The following CFDP1 variants were observed in gnomAD, a reference collection of about 807,000 sequenced individuals.
CFDP1 encodes chromatin remodeling protein CFDP1, also known as heterochromatin-stabilizing protein CFDP1.
A neutral mutation model predicts 40.1 loss-of-function variants in CFDP1; 31 were observed. That is an observed-to-expected ratio of 0.77 (90% CI 0.58 to 1.04). CFDP1 has a LOEUF of 1.04. CFDP1 is among the 50% of genes least tolerant of loss of function. The pLI is 0.00. For missense variants in CFDP1, 423 were observed against 343.4 expected (o/e 1.23, Z -1.83); for synonymous variants, 167 against 120.0 (o/e 1.39, Z -2.56).
chr16:75,329,424 G>A (rs76377175), intron 5 of CFDP1, among the ~76,000 whole-genome samples: 2,390 of 152,184 alleles, frequency 0.016, 62 homozygotes, highest in African/African-American at 0.053. Context: ...TTATGCATCC[G>A]TGTGACTTTG....
chr16:75,406,092 A>G (rs2079097043), intron 4 of CFDP1, among the ~76,000 whole-genome samples: 1 of 151,886 alleles, frequency 6.6e-6, no homozygotes, highest in Non-Finnish European at 1.5e-5. Flanking sequence ...AAAATAAAAT[A>G]GGCCAGGTGC....
chr16:75,310,944 TG>T (rs2151503605), intron 5 of CFDP1, among the ~76,000 whole-genome samples: 1 of 152,326 alleles, frequency 6.6e-6, no homozygotes, highest in South Asian at 2.1e-4. Flanking sequence ...CAGAGATTAC[TG>T]AGAACTTACT....
At chr16:75,332,706 T>C (rs1313285289) in intron 5 of CFDP1, among the ~76,000 whole-genome samples, 1 of 150,742 alleles carries the variant, frequency 6.6e-6, no homozygotes, top group Admixed American at 6.6e-5. Flanking sequence ...ATATTTTTTA[T>C]ATAGTCAGTT....
intron 6 of CFDP1, among the ~76,000 whole-genome samples, chr16:75,295,483 G>A (rs928587194): frequency 6.6e-6 from 1 of 152,232 alleles, no homozygotes; most frequent in African/African-American, 2.4e-5. Flanking sequence ...AGGGCACAGA[G>A]CAGGTACTCA....
chr16:75,314,810 G>T (rs975951258), intron 5 of CFDP1, among the ~76,000 whole-genome samples: 2 of 152,142 alleles, frequency 1.3e-5, no homozygotes, highest in Admixed American at 1.3e-4. Context: ...GGAGTGCAGT[G>T]GCGCGATCTC....
At chr16:75,413,106 A>G (rs1416232780) in intron 2 of CFDP1, among the ~76,000 whole-genome samples, 1 of 152,218 alleles carries the variant, frequency 6.6e-6, no homozygotes, top group African/African-American at 2.4e-5. Flanking sequence ...AACATATTAT[A>G]TGTGCCAGAC....
intron 5 of CFDP1, among the ~76,000 whole-genome samples, chr16:75,317,252 G>C (rs968043858): frequency 5.9e-5 from 9 of 152,204 alleles, no homozygotes; most frequent in African/African-American, 2.2e-4. Flanking sequence ...AGACCTCTAA[G>C]GAAATGATAC....
At chr16:75,323,180 GT>G (rs1037580014) in intron 5 of CFDP1, among the ~76,000 whole-genome samples, 13 of 151,026 alleles carry the variant, frequency 8.6e-5, no homozygotes, top group East Asian at 3.9e-4. Context: ...TTTCTGTAAG[GT>G]TTTTTTCTAT....
At chr16:75,409,084 C>T (rs1396229720) in intron 4 of CFDP1, among the ~76,000 whole-genome samples, 1 of 151,826 alleles carries the variant, frequency 6.6e-6, no homozygotes, top group African/African-American at 2.4e-5. Flanking sequence ...GTCTCGAACT[C>T]CTAACCTCAA....
intron 5 of CFDP1, among the ~76,000 whole-genome samples, chr16:75,381,841 T>C (rs1204934729): frequency 6.6e-6 from 1 of 152,066 alleles, no homozygotes; most frequent in Non-Finnish European, 1.5e-5. Flanking sequence ...ATCATCAGTG[T>C]TGAAAAGATG....
chr16:75,334,138 A>G (rs2078468125), intron 5 of CFDP1, among the ~76,000 whole-genome samples: 2 of 152,076 alleles, frequency 1.3e-5, no homozygotes, highest in Non-Finnish European at 2.9e-5. Flanking sequence ...TTCAAGGGCC[A>G]ATCATTGCCA....
chr16:75,350,080 C>T (rs557716694), intron 5 of CFDP1, among the ~76,000 whole-genome samples: 1 of 152,170 alleles, frequency 6.6e-6, no homozygotes, highest in African/African-American at 2.4e-5. Flanking sequence ...TAAGTGTACT[C>T]TGTTCTTTTT....
At chr16:75,402,925 T>C (rs950310577) in intron 4 of CFDP1, among the ~76,000 whole-genome samples, 1 of 152,028 alleles carries the variant, frequency 6.6e-6, no homozygotes, top group Non-Finnish European at 1.5e-5. Context: ...ATATTATATA[T>C]CTCTGTAACA....
intron 5 of CFDP1, among the ~76,000 whole-genome samples, chr16:75,324,369 A>G (rs1440467399): frequency 6.6e-6 from 1 of 152,158 alleles, no homozygotes; most frequent in South Asian, 2.1e-4. Context: ...CAGATCATCA[A>G]TACCTCCTGT....
chr16:75,368,255 A>G (rs961321121), intron 5 of CFDP1, among the ~76,000 whole-genome samples: 1 of 152,240 alleles, frequency 6.6e-6, no homozygotes, highest in Non-Finnish European at 1.5e-5. Flanking sequence ...TATTATTTTT[A>G]GATGTAATAA....
intron 4 of CFDP1, among the ~76,000 whole-genome samples, chr16:75,396,915 T>A (rs1348480236): frequency 6.6e-6 from 1 of 151,956 alleles, no homozygotes; most frequent in South Asian, 2.1e-4. Context: ...TTTTTGTTTG[T>A]TTGTTTGTTT....
chr16:75,302,548 A>C (rs553246076), intron 6 of CFDP1, among the ~76,000 whole-genome samples: 1 of 152,178 alleles, frequency 6.6e-6, no homozygotes, highest in Non-Finnish European at 1.5e-5. Context: ...ACTGCTCCCA[A>C]CACTCCTTAC....
At chr16:75,298,322 G>T (rs992520230) in intron 6 of CFDP1, among the ~76,000 whole-genome samples, 3 of 152,180 alleles carry the variant, frequency 2.0e-5, no homozygotes, top group Non-Finnish European at 4.4e-5. Flanking sequence ...GGGCCTTTGA[G>T]GGTGGTAAGG....
At chr16:75,410,120 T>C (rs2079145975) in intron 4 of CFDP1, among the ~76,000 whole-genome samples, 1 of 150,550 alleles carries the variant, frequency 6.6e-6, no homozygotes, top group Non-Finnish European at 1.5e-5. Flanking sequence ...GTCAATTCTT[T>C]TCCCTAAATA....
Sources: gnomAD v4.1 joint callset for allele counts (sites outside exome capture counted in the v4.1 genomes callset) on GRCh38, gnomAD v4.1.1 for gene constraint, MANE v1.5 for transcripts, NCBI Gene and HGNC (gene_info 2026-07-23, HGNC 2026-07-21) for gene names.